Variants in CFAP54 observed in about 807,000 individuals in gnomAD.
The protein encoded by CFAP54 is cilia- and flagella-associated protein 54.
CFAP54 carries 290 observed loss-of-function variants against 370.4 expected under a neutral mutation model. The ratio of observed to expected loss-of-function variants is 0.78; its 90% CI spans 0.71 to 0.86. The LOEUF is 0.86. Among genes scored for constraint, CFAP54 ranks in the 40% least tolerant of loss-of-function variants. The pLI, the probability that CFAP54 is intolerant of heterozygous loss-of-function variation, is 0.00. For missense variants in CFAP54, 3,399 were observed against 3,528.7 expected (o/e 0.96, Z 0.93); for synonymous variants, 1,206 against 1,236.5 (o/e 0.98, Z 0.52).
chr12:96,511,317 TTTTA>T (rs1955164483), intron 4 of CFAP54, among the ~76,000 whole-genome samples: 1 of 152,106 alleles, frequency 6.6e-6, no homozygotes, highest in Admixed American at 6.6e-5. Context: ...CTCACAAACT[TTTTA>T]TTTATTTATT....
chr12:96,570,378 A>G (rs1398663649), intron 19 of CFAP54, among the ~76,000 whole-genome samples: 2 of 150,128 alleles, frequency 1.3e-5, no homozygotes, highest in Non-Finnish European at 3.0e-5. Flanking sequence ...TTATGAGGCC[A>G]TGTTTTGACT....
intron 3 of CFAP54, among the ~76,000 whole-genome samples, chr12:96,504,253 G>A (rs1331003580): frequency 6.6e-6 from 1 of 152,178 alleles, no homozygotes; most frequent in Non-Finnish European, 1.5e-5. Context: ...TCATGTAGCA[G>A]TTGTTATTTA....
At position 96,534,271 on chromosome 12, in the gene CFAP54, T is replaced by C. The variant is rs140490754; in HGVS notation, c.1705+44T>C. On this transcript the variant is annotated intron_variant, in intron 11 of 67. Coordinates refer to ENST00000524981, the MANE Select transcript of CFAP54 (RefSeq NM_001306084.2). The stretch of plus-strand genomic sequence containing the variant: ...GTTCAAAAAATTTAGTTTGACGAAA[T>C]ATGCTCTTTTATAGATATGGTGAGA... 911 of 1,074,924 alleles carry C rather than the reference T, an allele frequency of 8.5e-4. 3 individuals carry two copies. Among genetic ancestry groups the C allele is most frequent in the Non-Finnish European group, 1.1e-3 (825 of 757,840 alleles). The allele number at this position is 1,074,924 out of a possible 1,614,324, so 66.6% of individuals were successfully genotyped here. A position where few individuals can be genotyped will look rare whatever the true frequency, so the allele number is the denominator to read the frequency against.
chr12:96,747,904 T>C (rs1026464945), intron 55 of CFAP54, among the ~76,000 whole-genome samples: 1 of 152,254 alleles, frequency 6.6e-6, no homozygotes, highest in Non-Finnish European at 1.5e-5. Flanking sequence ...ACTTTATCTT[T>C]ACTACTTATT....
At chr12:96,740,463 GA>G (rs1958038527) in intron 51 of CFAP54, among the ~76,000 whole-genome samples, 1 of 152,192 alleles carries the variant, frequency 6.6e-6, no homozygotes, top group African/African-American at 2.4e-5. Context: ...TCCTGCTTTG[GA>G]TTCCTCATAG....
In CFAP54 at chr12:96,647,989, CAA is replaced by C; in HGVS notation, c.4668_4669del (p.Arg1557LysfsTer9). ...KAMLDFLLTA[K>X]KRKANLPSDA... ...CAATGCTTGATTTCCTTCTTACAGC[CAA>C]AAAAAGAAAGGCCAACTTACCATCA... On this transcript the variant is annotated frameshift_variant, in exon 34 of 68. Coordinates refer to ENST00000524981, the MANE Select transcript of CFAP54 (RefSeq NM_001306084.2). LOFTEE classifies it high-confidence loss of function. 6.6e-7 allele frequency: 1 copy of C among 1,503,926 alleles called. No homozygotes were observed. 93.2% of individuals were successfully genotyped at this position (1,503,926 alleles called of 1,614,324 possible). A position where few individuals can be genotyped will look rare whatever the true frequency, so the allele number is the denominator to read the frequency against.
At chr12:96,635,029 C>T (rs1383791967) in intron 32 of CFAP54, among the ~76,000 whole-genome samples, 1 of 152,060 alleles carries the variant, frequency 6.6e-6, no homozygotes, top group Non-Finnish European at 1.5e-5. Flanking sequence ...ATTCTTTCCA[C>T]TTTATTTTTT....
intron 58 of CFAP54, among the ~76,000 whole-genome samples, chr12:96,758,520 A>C (rs1958292690): frequency 6.6e-6 from 1 of 152,218 alleles, no homozygotes; most frequent in Admixed American, 6.5e-5. Flanking sequence ...GGTCCCTCCC[A>C]CAATGTGTGG....
intron 60 of CFAP54, among the ~76,000 whole-genome samples, chr12:96,784,502 C>CAT (rs375104920): frequency 0.013 from 1,978 of 150,794 alleles, 47 homozygotes; most frequent in African/African-American, 0.045. Flanking sequence ...AAAGAGAGTT[C>CAT]ATATATATAT....
Position 96,650,073 on chromosome 12 carries a change from G to A in CFAP54, c.4872+1G>A. On this transcript the variant is annotated splice_donor_variant, in intron 35 of 67. Transcript: ENST00000524981. LOFTEE classifies it high-confidence loss of function. ...CTTTTTATACTGCAGGAGAGCAATG[G>A]TAATGCAATCTTTCTTGTTTGCAGT... 1 of 1,602,344 alleles carries A rather than the reference G, an allele frequency of 6.2e-7. No individual in the cohort carries two copies. The highest frequency in any genetic ancestry group is 8.5e-7 in the Non-Finnish European group (1 of 1,175,904).
At chr12:96,826,630 A>G (rs1428670183) in intron 65 of CFAP54, among the ~76,000 whole-genome samples, 1 of 108,184 alleles carries the variant, frequency 9.2e-6, no homozygotes, top group East Asian at 3.1e-4. Context: ...TATATGTTAT[A>G]TATTAAATAT....
intron 60 of CFAP54, among the ~76,000 whole-genome samples, chr12:96,783,400 G>A (rs753170898): frequency 1.3e-4 from 20 of 151,920 alleles, no homozygotes; most frequent in Admixed American, 5.9e-4. Context: ...TCCTTTTTTC[G>A]CTTCCCAGAG....
intron 50 of CFAP54, among the ~76,000 whole-genome samples, chr12:96,724,894 A>G (rs1207902639): frequency 6.6e-6 from 1 of 152,156 alleles, no homozygotes; most frequent in Non-Finnish European, 1.5e-5. Flanking sequence ...TTCTCCATAT[A>G]GCTAGCCATT....
intron 36 of CFAP54, among the ~76,000 whole-genome samples, chr12:96,656,820 C>T (rs886619555): frequency 6.6e-6 from 1 of 152,230 alleles, no homozygotes; most frequent in East Asian, 1.9e-4. Flanking sequence ...ACTGTAGAAT[C>T]AGTGAATTAC....
intron 63 of CFAP54, among the ~76,000 whole-genome samples, chr12:96,804,123 A>G (rs2136716375): frequency 6.6e-6 from 1 of 152,240 alleles, no homozygotes; most frequent in Non-Finnish European, 1.5e-5. Context: ...GACACACTAG[A>G]GCAAGCAGAA....
At chr12:96,792,238 C>T in intron 62 of CFAP54, 91 bp from the exon 63 acceptor site, 1 of 1,135,228 alleles carries the variant, frequency 8.8e-7, no homozygotes. Flanking sequence ...GAGACAATCC[C>T]AGAATTTTTC....
intron 60 of CFAP54, among the ~76,000 whole-genome samples, chr12:96,774,566 A>G (rs1958496696): frequency 6.6e-6 from 1 of 152,130 alleles, no homozygotes; most frequent in African/African-American, 2.4e-5. Flanking sequence ...TAATATAAAG[A>G]TAAGTCCCCA....
chr12:96,841,666 T>C (rs1364928601), intron 66 of CFAP54, among the ~76,000 whole-genome samples: 4 of 152,244 alleles, frequency 2.6e-5, no homozygotes, highest in Non-Finnish European at 5.9e-5. Context: ...TCTCAACCAC[T>C]TGTGGTAGCA....
At chr12:96,493,841 A>G (rs577199577) in intron 1 of CFAP54, among the ~76,000 whole-genome samples, 1 of 152,198 alleles carries the variant, frequency 6.6e-6, no homozygotes, top group Non-Finnish European at 1.5e-5. Flanking sequence ...GATAAATGCT[A>G]GAGAGAAAAA....
Sources: allele counts gnomAD v4.1 joint callset (sites outside exome capture counted in the v4.1 genomes callset), GRCh38; gene constraint gnomAD v4.1.1; transcripts MANE v1.5; gene names NCBI Gene and HGNC (gene_info 2026-07-23, HGNC 2026-07-21).